The following CYP2C18 variants were observed in gnomAD, a reference collection of about 807,000 sequenced individuals.
CYP2C18 encodes the protein cytochrome P450 family 2 subfamily C member 18, also known as cytochrome P450 2C18.
In CYP2C18, 38 loss-of-function variants were observed where a neutral mutation model predicts 41.3. That is an observed-to-expected ratio of 0.92 (90% CI 0.71 to 1.21). The LOEUF (loss-of-function observed/expected upper bound fraction) is 1.21. Among genes scored for constraint, CYP2C18 ranks in the 50% most tolerant of loss-of-function variants. The probability of loss-of-function intolerance (pLI) is 0.00; values close to 1 mark genes in which losing one functional copy is unlikely to be tolerated. For synonymous variants in CYP2C18, 236 were observed against 210.0 expected, an observed-to-expected ratio of 1.12 and a Z score of -1.07; for missense variants, 635 against 591.4, an observed-to-expected ratio of 1.07 and a Z score of -0.77.
At chr10:94,707,678 A>G (rs886535816) in intron 5 of CYP2C18, among the ~76,000 whole-genome samples, 1 of 152,192 alleles carries the variant, frequency 6.6e-6, no homozygotes, top group East Asian at 1.9e-4. Flanking sequence ...GACATTTCAT[A>G]TATTTGAAGT....
intron 4 of CYP2C18, among the ~76,000 whole-genome samples, chr10:94,699,813 A>G (rs1847199095): frequency 6.6e-6 from 1 of 152,228 alleles, no homozygotes; most frequent in Non-Finnish European, 1.5e-5. Context: ...AAAATTCACA[A>G]GCATTCTTAT....
In CYP2C18 at chr10:94,687,755, C is replaced by G. The variant is rs748927230; in HGVS notation, c.169-15C>G. 6.2e-7 allele frequency: 1 copy of G among 1,606,510 alleles called. No individual in the cohort carries two copies. ...TGAGTTTTGCTACTATTTGAACCTCCTTTTCTATGTTTAGTTCTCAAAAGT... is the reference window on the plus strand; with the variant it reads ...TGAGTTTTGCTACTATTTGAACCTCGTTTTCTATGTTTAGTTCTCAAAAGT... On this transcript the variant is annotated splice_polypyrimidine_tract_variant and intron_variant, in intron 1 of 8. Coordinates refer to ENST00000285979, the MANE Select transcript of CYP2C18 (RefSeq NM_000772.3).
rs376722150 is a variant in CYP2C18 at position 94,733,275 on chromosome 10, T to C, written c.1150-22T>C. Reference sequence around the variant, plus strand: ...CTCTTTGACTTCTTTATAACTTAGTTTGTCTGTTTTGCTATTTTCAGGGCA... The same window carrying C: ...CTCTTTGACTTCTTTATAACTTAGTCTGTCTGTTTTGCTATTTTCAGGGCA... On this transcript the variant is annotated intron_variant, in intron 7 of 8. Coordinates refer to ENST00000285979, the MANE Select transcript of CYP2C18 (RefSeq NM_000772.3). 144 of 1,607,728 alleles carry C rather than the reference T, an allele frequency of 9.0e-5. No individual in the cohort carries two copies. In the African/African-American group the frequency reaches 1.7e-3, roughly 19 times the overall value.
intron 5 of CYP2C18, among the ~76,000 whole-genome samples, chr10:94,716,055 C>T (rs537483244): frequency 9.2e-5 from 14 of 152,028 alleles, no homozygotes; most frequent in Non-Finnish European, 1.6e-4. Flanking sequence ...TTTATTGCAT[C>T]TATTTGATTT....
In CYP2C18 at chr10:94,724,924, A is replaced by G. The variant is rs183140094; in HGVS notation, c.1149+391A>G. On this transcript the variant is annotated intron_variant, in intron 7 of 8. Transcript: ENST00000285979. The stretch of plus-strand genomic sequence containing the variant: ...ATGTCCTGACAGGTTGAATCTTTCA[A>G]TTCATGGATATGATTATGCTCTTTA... Among the ~76,000 whole-genome samples, 50 of 152,062 alleles carry G rather than the reference A, an allele frequency of 3.3e-4. No homozygotes were observed. The East Asian group carries it at 9.5e-3, about 29-fold the overall frequency.
chr10:94,735,653 C>T lies in CYP2C18; in HGVS notation c.*209C>T, dbSNP rs41291552. The T allele has an allele frequency of 0.015, 8,635 of 586,010 alleles. 112 individuals carry two copies. Among genetic ancestry groups the T allele is most frequent in the Non-Finnish European group, 0.022 (7,166 of 329,424 alleles). 36.3% of individuals were successfully genotyped at this position (586,010 alleles called of 1,614,324 possible). A position where few individuals can be genotyped will look rare whatever the true frequency, so the allele number is the denominator to read the frequency against. ...CTAAATATATCTGCTATTCTCCATA[C>T]TCTGTATCACTTGTATTGACCACCA... On this transcript the variant is annotated 3_prime_UTR_variant, in exon 9 of 9. Coordinates refer to ENST00000285979, the MANE Select transcript of CYP2C18 (RefSeq NM_000772.3).
chr10:94,719,387 C>A (rs999628093), intron 5 of CYP2C18, among the ~76,000 whole-genome samples: 1 of 151,786 alleles, frequency 6.6e-6, no homozygotes, highest in Admixed American at 6.6e-5. Flanking sequence ...CCCACGCTTA[C>A]AACATGAACC....
chr10:94,733,252 CTT>C (rs1227160574), intron 7 of CYP2C18, 43 bp from the exon 8 acceptor site: 33 of 1,581,772 alleles, frequency 2.1e-5, no homozygotes, highest in Non-Finnish European at 2.9e-5. Context: ...TCTTCCCACT[CTT>C]TGACTTCTTT....
At chr10:94,700,099 A>T (rs370015166) in intron 4 of CYP2C18, among the ~76,000 whole-genome samples, 4 of 152,318 alleles carry the variant, frequency 2.6e-5, no homozygotes, top group East Asian at 3.9e-4. Context: ...TCTACCAATG[A>T]CTTTCTGCAC....
At chr10:94,724,186 T>C (rs1847693382) in intron 6 of CYP2C18, among the ~76,000 whole-genome samples, 160 bp from the exon 7 acceptor site, 1 of 151,922 alleles carries the variant, frequency 6.6e-6, no homozygotes, top group Admixed American at 6.6e-5. Flanking sequence ...TGGATGTATC[T>C]ATAATGTAGT....
intron 5 of CYP2C18, among the ~76,000 whole-genome samples, chr10:94,719,410 A>AT (rs200020774): frequency 6.2e-4 from 90 of 146,180 alleles, no homozygotes; most frequent in East Asian, 4.0e-3. Context: ...CATCTTGATT[A>AT]TTTTTTTTTT....
chr10:94,731,092 C>T (rs1485355535), intron 7 of CYP2C18, among the ~76,000 whole-genome samples: 1 of 152,048 alleles, frequency 6.6e-6, no homozygotes, highest in Non-Finnish European at 1.5e-5. Flanking sequence ...TTAAAATGGC[C>T]ATACTGGGCC....
At chr10:94,692,817 T>G (rs1424773364) in intron 3 of CYP2C18, among the ~76,000 whole-genome samples, 4 of 152,122 alleles carry the variant, frequency 2.6e-5, no homozygotes, top group South Asian at 2.1e-4. Context: ...GTGGCACATA[T>G]ACACCATGGA....
intron 7 of CYP2C18, among the ~76,000 whole-genome samples, chr10:94,730,979 G>A (rs1847821378): frequency 6.6e-6 from 1 of 152,094 alleles, no homozygotes; most frequent in South Asian, 2.1e-4. Context: ...GGAAGTGAAA[G>A]ATCTCTTTAA....
chr10:94,727,445 T>C (rs941930405), intron 7 of CYP2C18, among the ~76,000 whole-genome samples: 1 of 151,930 alleles, frequency 6.6e-6, no homozygotes, highest in African/African-American at 2.4e-5. Flanking sequence ...TGAAACTCTA[T>C]CTCTACAAAA....
chr10:94,701,152 A>C (rs993899415), intron 4 of CYP2C18, among the ~76,000 whole-genome samples: 1 of 152,228 alleles, frequency 6.6e-6, no homozygotes, highest in African/African-American at 2.4e-5. Context: ...ACATGCTACT[A>C]TAAAGACACA....
intron 7 of CYP2C18, among the ~76,000 whole-genome samples, chr10:94,730,817 T>A (rs1847818659): frequency 6.6e-6 from 1 of 152,126 alleles, no homozygotes; most frequent in Non-Finnish European, 1.5e-5. Context: ...AAGGGATAAA[T>A]GACCAGTAAA....
chr10:94,699,231 C>T (rs924274773), intron 4 of CYP2C18, among the ~76,000 whole-genome samples: 5 of 152,118 alleles, frequency 3.3e-5, no homozygotes, highest in Non-Finnish European at 2.9e-5. Context: ...AAATCCTCAA[C>T]AAAATACTGG....
Position 94,698,111 on chromosome 10 carries a change from C to G in CYP2C18, c.642+3034C>G, listed in dbSNP as rs187937349. Among the ~76,000 whole-genome samples the G allele has an allele frequency of 2.5e-3, 376 of 152,338 alleles. 2 individuals are homozygous for G. The highest frequency in any genetic ancestry group is 7.9e-3 in the African/African-American group (328 of 41,578). ...AACAAGGATATCCAGGAACTGAACT[C>G]AGCTCTGCACCAAGCAGACCTAATA... On this transcript the variant is annotated intron_variant, in intron 4 of 8. Transcript: ENST00000285979.
Sources: gnomAD v4.1 joint callset for allele counts (sites outside exome capture counted in the v4.1 genomes callset) on GRCh38, gnomAD v4.1.1 for gene constraint, MANE v1.5 for transcripts, NCBI Gene and HGNC (gene_info 2026-07-23, HGNC 2026-07-21) for gene names.